Variants in TMEM39B observed in about 807,000 individuals in gnomAD.
TMEM39B encodes transmembrane protein 39B.
A neutral mutation model predicts 52.2 loss-of-function variants in TMEM39B; 23 were observed. The ratio of observed to expected loss-of-function variants is 0.44; its 90% CI spans 0.32 to 0.62. The LOEUF (loss-of-function observed/expected upper bound fraction) is 0.62. TMEM39B is among the 20% of genes least tolerant of loss of function. The pLI is 0.06. For synonymous variants in TMEM39B, 285 were observed against 264.0 expected (o/e 1.08, Z -0.77); for missense variants, 547 against 642.0 (o/e 0.85, Z 1.60).
At chr1:32,081,340 C>T (rs946871571) in intron 5 of TMEM39B, among the ~76,000 whole-genome samples, 5 of 151,416 alleles carry the variant, frequency 3.3e-5, no homozygotes, top group South Asian at 2.1e-4. Flanking sequence ...GGTGCAATCT[C>T]GGCTCACTGC....
chr1:32,091,758 C>T lies in TMEM39B; in HGVS notation c.674C>T (p.Pro225Leu), dbSNP rs936345019. Residue 225 changes from proline (P) to leucine (L), a missense_variant, in exon 6 of 9, where the codon CCC becomes CTC. Coordinates refer to ENST00000336294, the MANE Select transcript of TMEM39B (RefSeq NM_018056.4). Reference sequence around the variant, plus strand: ...TTCAACCACATGGCCTCCATGGGGCCCCGGGAGGCGGTCAGTGGCCTGGCA... The same window carrying T: ...TTCAACCACATGGCCTCCATGGGGCTCCGGGAGGCGGTCAGTGGCCTGGCA... ...SLFNHMASMG[P>L]REAVSGLAKS... 3 of 1,614,226 alleles carry T rather than the reference C, an allele frequency of 1.9e-6. No homozygotes were observed. The highest frequency in any genetic ancestry group is 2.5e-6 in the Non-Finnish European group (3 of 1,180,044).
intron 5 of TMEM39B, among the ~76,000 whole-genome samples, chr1:32,078,033 A>G (rs1639939173): frequency 6.6e-6 from 1 of 152,020 alleles, no homozygotes; most frequent in South Asian, 2.1e-4. Context: ...CCCAACCCCC[A>G]GGTTTTCTGG....
chr1:32,084,052 T>C (rs1640233677), intron 5 of TMEM39B, among the ~76,000 whole-genome samples: 4 of 151,698 alleles, frequency 2.6e-5, no homozygotes, highest in South Asian at 2.1e-4. Context: ...TTTTCTTACA[T>C]TCTATCAGTT....
chr1:32,098,681 C>G (rs977563429), intron 7 of TMEM39B, among the ~76,000 whole-genome samples: 1 of 151,984 alleles, frequency 6.6e-6, no homozygotes, highest in South Asian at 2.1e-4. Context: ...TGCAGTGAGC[C>G]GAGATAGAGA....
At position 32,077,219 on chromosome 1, in the gene TMEM39B, G is replaced by A. The variant is rs772011464; in HGVS notation, c.491G>A (p.Arg164His). The stretch of plus-strand genomic sequence containing the variant: ...CGCTCCATCCTGCTGTTCCTCACTC[G>A]CTTCACCGTTCTCACGGCAACAGGC... The part of the protein sequence containing the change: ...LFRSILLFLT[R>H]FTVLTATGWS... Residue 164 changes from arginine (R) to histidine (H), a missense_variant, in exon 5 of 9, where the codon CGC (arginine) becomes CAC (histidine). Coordinates refer to ENST00000336294, the MANE Select transcript of TMEM39B (RefSeq NM_018056.4). 3.1e-6 allele frequency: 5 copies of A among 1,614,066 alleles called. No homozygotes were observed. Among genetic ancestry groups the A allele is most frequent in the South Asian group, 1.1e-5 (1 of 91,074 alleles).
chr1:32,076,605 G>A (rs1192357168), intron 3 of TMEM39B, 158 bp from the exon 4 acceptor site: 2 of 754,004 alleles, frequency 2.7e-6, no homozygotes, highest in Middle Eastern at 2.3e-4. Flanking sequence ...TCCTACTCCT[G>A]TAGGTAATTT....
intron 6 of TMEM39B, among the ~76,000 whole-genome samples, chr1:32,093,672 A>G (rs868516700): frequency 4.6e-5 from 7 of 151,936 alleles, no homozygotes; most frequent in Middle Eastern, 6.3e-3. Flanking sequence ...TTAGCCTCCC[A>G]AAGTGCTGAG....
At chr1:32,102,166 A>G (rs1255510280) in intron 8 of TMEM39B, among the ~76,000 whole-genome samples, 1 of 151,974 alleles carries the variant, frequency 6.6e-6, no homozygotes, top group Non-Finnish European at 1.5e-5. Flanking sequence ...AGAACCTGTC[A>G]AGAAAGACTT....
chr1:32,086,041 C>T (rs187008887), intron 5 of TMEM39B, among the ~76,000 whole-genome samples: 86 of 152,050 alleles, frequency 5.7e-4, no homozygotes, highest in African/African-American at 2.0e-3. Context: ...TTTGAGCCTC[C>T]GTAGGCCAGA....
In TMEM39B at chr1:32,073,949, A is replaced by G. The variant is rs1237406147; in HGVS notation, c.4+898A>G. The G allele has an allele frequency of 3.1e-6, 3 of 956,370 alleles. No individual in the cohort carries two copies. The African/African-American group carries it at 5.3e-5, about 17-fold the overall frequency. 59.2% of individuals were successfully genotyped at this position (956,370 alleles called of 1,614,324 possible). On this transcript the variant is annotated intron_variant, in intron 1 of 8. Coordinates refer to ENST00000336294, the MANE Select transcript of TMEM39B (RefSeq NM_018056.4). ...TTTTTAATAGAGACCGGGTTTCGCC[A>G]TGTTGCCCAGGCTGGTCTCCAACTC... is the stretch of plus-strand genomic sequence containing the variant.
intron 5 of TMEM39B, among the ~76,000 whole-genome samples, chr1:32,090,512 A>T (rs1256024693): frequency 6.6e-6 from 1 of 151,946 alleles, no homozygotes; most frequent in Non-Finnish European, 1.5e-5. Flanking sequence ...GTGCAGTGGC[A>T]CAATCATGGG....
chr1:32,083,549 A>C (rs1640207059), intron 5 of TMEM39B, among the ~76,000 whole-genome samples: 1 of 148,518 alleles, frequency 6.7e-6, no homozygotes, highest in African/African-American at 2.5e-5. Context: ...CAGCCTCCCG[A>C]GTAGCTGGGA....
In TMEM39B at chr1:32,102,563, T is replaced by C; in HGVS notation, c.1369T>C (p.Phe457Leu). Reference protein sequence around the residue: ...HQTISLALILFSNYYAFFKLL... With the variant: ...HQTISLALILLSNYYAFFKLL... ...GACCATCTCGCTGGCCCTCATCCTCTTCAGCAACTACTATGCCTTCTTCAA... is the reference window on the plus strand; with the variant it reads ...GACCATCTCGCTGGCCCTCATCCTCCTCAGCAACTACTATGCCTTCTTCAA... Residue 457 changes from phenylalanine (F) to leucine (L), a missense_variant, in exon 9 of 9, where the codon TTC (phenylalanine) becomes CTC (leucine). Transcript: ENST00000336294. 6.2e-7 allele frequency: 1 copy of C among 1,614,162 alleles called. No homozygotes were observed. The highest frequency in any genetic ancestry group is 8.5e-7 in the Non-Finnish European group (1 of 1,180,014).
intron 5 of TMEM39B, chr1:32,087,595 C>G (rs1640412726): frequency 1.3e-5 from 2 of 151,096 alleles, no homozygotes; most frequent in Admixed American, 6.6e-5. Flanking sequence ...TGCACTCCAA[C>G]CTGGGCGACA....
chr1:32,085,191 T>A (rs960620746), intron 5 of TMEM39B, among the ~76,000 whole-genome samples: 1 of 152,168 alleles, frequency 6.6e-6, no homozygotes, highest in Non-Finnish European at 1.5e-5. Context: ...TTTGATAATA[T>A]CTTCCTTTTA....
chr1:32,075,491 G>C, intron 2 of TMEM39B, 112 bp from the exon 3 acceptor site: 2 of 1,126,980 alleles, frequency 1.8e-6, no homozygotes, highest in South Asian at 1.6e-5. Flanking sequence ...GGAAGACCCC[G>C]TCCTTGCTAT....
At chr1:32,073,078 T>C in intron 1 of TMEM39B, 27 bp downstream of exon 1, 1 of 1,457,628 alleles carries the variant, frequency 6.9e-7, no homozygotes. Flanking sequence ...AGGCTCGGCC[T>C]GGCAACGAGC....
intron 2 of TMEM39B, among the ~76,000 whole-genome samples, chr1:32,075,280 A>G (rs1014150958): frequency 2.0e-5 from 3 of 152,302 alleles, no homozygotes; most frequent in African/African-American, 7.2e-5. Context: ...GAATAAATCC[A>G]AAGGCCTGGA....
At position 32,077,324 on chromosome 1, in the gene TMEM39B, TACCCCTCACTTC is replaced by T. The variant is rs780672968; in HGVS notation, c.590+17_590+28del. ...CTCCTGTTCCTCTGCTATCCGTGAG[TACCCCTCACTTC>T]ACCCCTCACTGCCCAGCACCTGGCC... On this transcript the variant is annotated splice_region_variant and intron_variant, in intron 5 of 8. Coordinates refer to ENST00000336294, the MANE Select transcript of TMEM39B (RefSeq NM_018056.4). 2 of 1,614,070 alleles carry T rather than the reference TACCCCTCACTTC, an allele frequency of 1.2e-6. No individual in the cohort carries two copies. Among genetic ancestry groups the T allele is most frequent in the Middle Eastern group, 1.6e-4 (1 of 6,062 alleles).
Sources: allele counts gnomAD v4.1 joint callset (sites outside exome capture counted in the v4.1 genomes callset), GRCh38; gene constraint gnomAD v4.1.1; transcripts MANE v1.5; gene names NCBI Gene and HGNC (gene_info 2026-07-23, HGNC 2026-07-21).